ATXN7: variants seen among roughly 807,000 people sequenced by gnomAD.
The protein encoded by ATXN7 is ataxin 7, also known as ataxin-7.
Under a neutral mutation model 70.5 loss-of-function variants are expected in ATXN7, and 12 were observed. That is an observed-to-expected ratio of 0.17 (90% CI 0.11 to 0.28). The LOEUF is 0.28. Ranked by LOEUF, ATXN7 falls within the 10% of genes least tolerant of loss-of-function variation. ATXN7 has a pLI of 1.00. For synonymous variants in ATXN7, 498 were observed against 448.7 expected, an observed-to-expected ratio of 1.11 and a Z score of -1.39; for missense variants, 1,256 against 1,131.7, an observed-to-expected ratio of 1.11 and a Z score of -1.58.
Position 63,982,983 on chromosome 3 carries a change from G to A in ATXN7, c.1057G>A (p.Asp353Asn), listed in dbSNP as rs762846953. 15 of 1,613,846 alleles carry A rather than the reference G, an allele frequency of 9.3e-6. No individual in the cohort carries two copies. The highest frequency in any genetic ancestry group is 1.6e-4 in the Middle Eastern group (1 of 6,084). The change falls in exon 8 of 13, where the codon GAC becomes AAC. Residue 353 changes from aspartate to asparagine, a missense_variant. Asp to Asn is a conservative substitution (Grantham distance 23). Coordinates refer to ENST00000674280, the MANE Select transcript of ATXN7 (RefSeq NM_001377405.1). ...PDIHCGVIDLDTKKPCTRSLT... is the reference protein window; with the variant it reads ...PDIHCGVIDLNTKKPCTRSLT... ...CATCCACTGTGGGGTTATTGATCTC[G>A]ACACCAAGAAGCCCTGCACCCGGTC...
intron 4 of ATXN7, among the ~76,000 whole-genome samples, chr3:63,930,765 C>T (rs1335296006): frequency 6.6e-6 from 1 of 152,084 alleles, no homozygotes; most frequent in Non-Finnish European, 1.5e-5. Context: ...CTCCTGACCT[C>T]ATGATCCGCC....
At chr3:63,989,811 T>G (rs891993189) in intron 9 of ATXN7, among the ~76,000 whole-genome samples, 5 of 152,228 alleles carry the variant, frequency 3.3e-5, no homozygotes, top group Non-Finnish European at 7.3e-5. Context: ...TCATTTATTG[T>G]GTAGGTAAAC....
At chr3:63,863,824 G>A (rs1157358811), upstream of ATXN7, 1 of 1,228,208 alleles carries the variant, frequency 8.1e-7, no homozygotes, top group Non-Finnish European at 1.0e-6. Flanking sequence ...CGGCGGCGGC[G>A]CAAGCTGAGG....
intron 12 of ATXN7, chr3:63,998,130 TAGTG>T (rs1230931605): frequency 2.0e-6 from 2 of 981,312 alleles, no homozygotes; most frequent in Non-Finnish European, 2.4e-6. Flanking sequence ...ACATCTGTAT[TAGTG>T]AGCACACTGT....
chr3:63,981,371 TTAAC>T (rs1399207794), intron 6 of ATXN7, among the ~76,000 whole-genome samples: 1 of 152,252 alleles, frequency 6.6e-6, no homozygotes, highest in Non-Finnish European at 1.5e-5. Context: ...ACTGGCCAGC[TTAAC>T]AGCTGTTAGA....
At chr3:63,866,832 C>G (rs1702446259) in intron 1 of ATXN7, 1 of 152,108 alleles carries the variant, frequency 6.6e-6, no homozygotes, top group African/African-American at 2.4e-5. Flanking sequence ...AATGTTTCTT[C>G]TTTTCAAGAC....
intron 4 of ATXN7, among the ~76,000 whole-genome samples, chr3:63,914,449 A>C (rs1007966924): frequency 6.6e-6 from 1 of 152,246 alleles, no homozygotes; most frequent in Non-Finnish European, 1.5e-5. Context: ...GGTAAAGGAA[A>C]GCAAGGGAAA....
intron 1 of ATXN7, among the ~76,000 whole-genome samples, chr3:63,897,199 T>G (rs1223769892): frequency 6.6e-6 from 1 of 152,180 alleles, no homozygotes; most frequent in East Asian, 1.9e-4. Flanking sequence ...TTATTGGAAG[T>G]AAGGCAGAAA....
At chr3:63,870,102 A>G (rs148806622) in intron 1 of ATXN7, among the ~76,000 whole-genome samples, 1 of 152,226 alleles carries the variant, frequency 6.6e-6, no homozygotes, top group African/African-American at 2.4e-5. Context: ...CCAGGTCTCT[A>G]CACCTACTCA....
chr3:63,952,952 G>A (rs1222524008), intron 5 of ATXN7, among the ~76,000 whole-genome samples: 1 of 147,078 alleles, frequency 6.8e-6, no homozygotes, highest in Non-Finnish European at 1.5e-5. Flanking sequence ...CAGTTAGTTG[G>A]CATTGTCATA....
intron 12 of ATXN7, among the ~76,000 whole-genome samples, chr3:63,996,894 G>T (rs2075769280): frequency 6.6e-6 from 1 of 152,206 alleles, no homozygotes; most frequent in African/African-American, 2.4e-5. Flanking sequence ...CCTGGATAGT[G>T]GTTCTTTAGT....
intron 1 of ATXN7, among the ~76,000 whole-genome samples, chr3:63,868,167 T>G (rs1486197223): frequency 6.6e-6 from 1 of 152,222 alleles, no homozygotes; most frequent in Non-Finnish European, 1.5e-5. Flanking sequence ...CCAGAAAATT[T>G]GAAATTTGAC....
intron 8 of ATXN7, among the ~76,000 whole-genome samples, chr3:63,985,871 C>T (rs1004762053): frequency 1.3e-5 from 2 of 152,182 alleles, no homozygotes; most frequent in African/African-American, 2.4e-5. Flanking sequence ...AAGGGTTTAG[C>T]ACAATAACCA....
intron 2 of ATXN7, 81 bp from the exon 3 acceptor site, chr3:63,912,507 C>T (rs1704069237): frequency 2.1e-6 from 2 of 935,384 alleles, no homozygotes; most frequent in African/African-American, 1.8e-5. Context: ...GCGGGCCGCG[C>T]ACGCCGCCGG....
intron 6 of ATXN7, among the ~76,000 whole-genome samples, chr3:63,981,267 C>T (rs2075482485): frequency 6.6e-6 from 1 of 152,196 alleles, no homozygotes; most frequent in South Asian, 2.1e-4. Context: ...CCCCCAGCCC[C>T]TGTTCTTCTG....
Position 63,912,810 on chromosome 3 carries a change from C to T in ATXN7, c.212C>T (p.Ser71Leu). The T allele has an allele frequency of 6.4e-7, 1 of 1,566,198 alleles. No individual in the cohort carries two copies. The highest frequency in any genetic ancestry group is 8.6e-7 in the Non-Finnish European group (1 of 1,159,364). The change falls in exon 3 of 13, where the codon TCG (serine) becomes TTG (leucine). Residue 71 changes from serine (S) to leucine (L), a missense_variant. Coordinates refer to ENST00000674280, the MANE Select transcript of ATXN7 (RefSeq NM_001377405.1). ...GGCGGGCCCGGCGCCGCCTCCACCT[C>T]GGCCGCCGCAATGGCGACGGTCGGG... ...EDGGPGAAST[S>L]AAAMATVGER...
At chr3:63,957,566 G>C (rs2075060300) in intron 5 of ATXN7, among the ~76,000 whole-genome samples, 1 of 152,216 alleles carries the variant, frequency 6.6e-6, no homozygotes, top group African/African-American at 2.4e-5. Flanking sequence ...TAGTAAATGT[G>C]AAAATGAATA....
At chr3:63,955,696 G>A (rs1312908030) in intron 5 of ATXN7, among the ~76,000 whole-genome samples, 2 of 152,196 alleles carry the variant, frequency 1.3e-5, no homozygotes, top group Non-Finnish European at 2.9e-5. Context: ...CTTTCACAGT[G>A]ACTGTTGTAG....
At chr3:63,979,233 T>C (rs1182038624) in intron 5 of ATXN7, among the ~76,000 whole-genome samples, 6 of 152,228 alleles carry the variant, frequency 3.9e-5, no homozygotes, top group Non-Finnish European at 5.9e-5. Flanking sequence ...GGCGTAGCTA[T>C]TTGTGGTATT....
Sources: gnomAD v4.1 joint callset for allele counts (sites outside exome capture counted in the v4.1 genomes callset) on GRCh38, gnomAD v4.1.1 for gene constraint, MANE v1.5 for transcripts, NCBI Gene and HGNC (gene_info 2026-07-23, HGNC 2026-07-21) for gene names.